DNER: variants seen among roughly 807,000 people sequenced by gnomAD.
DNER encodes the protein delta/notch like EGF repeat containing, also known as delta and Notch-like epidermal growth factor-related receptor.
In DNER, 33 loss-of-function variants were observed where a neutral mutation model predicts 78.2. The ratio of observed to expected loss-of-function variants is 0.42; its 90% CI spans 0.32 to 0.56. The LOEUF is 0.56. Among genes scored for constraint, DNER ranks in the 20% least tolerant of loss-of-function variants. The probability of loss-of-function intolerance (pLI) is 0.11; values close to 1 mark genes in which losing one functional copy is unlikely to be tolerated. For synonymous variants in DNER, 417 were observed against 384.8 expected (o/e 1.08, Z -0.98); for missense variants, 918 against 975.3 (o/e 0.94, Z 0.78).
At chr2:229,437,555 G>C (rs1694148292) in intron 8 of DNER, among the ~76,000 whole-genome samples, 1 of 152,156 alleles carries the variant, frequency 6.6e-6, no homozygotes, top group Admixed American at 6.5e-5. Context: ...TGGTCTAATT[G>C]GGACTCAGGA....
chr2:229,682,852 A>T (rs1299827011), intron 1 of DNER, among the ~76,000 whole-genome samples: 1 of 152,126 alleles, frequency 6.6e-6, no homozygotes, highest in Non-Finnish European at 1.5e-5. Context: ...TGTCTCAAAG[A>T]GAAAAAAAAG....
At chr2:229,386,333 A>T (rs1473081335) in intron 11 of DNER, among the ~76,000 whole-genome samples, 1 of 152,222 alleles carries the variant, frequency 6.6e-6, no homozygotes, top group Non-Finnish European at 1.5e-5. Context: ...AGATGGATAA[A>T]AGACTTACAC....
At chr2:229,422,498 T>G (rs1210905733) in intron 8 of DNER, among the ~76,000 whole-genome samples, 1 of 151,384 alleles carries the variant, frequency 6.6e-6, no homozygotes, top group African/African-American at 2.4e-5. Context: ...ATGGGGGGAG[T>G]GAGAAAGAGC....
At chr2:229,701,457 C>CTTTA (rs1235103980) in intron 1 of DNER, among the ~76,000 whole-genome samples, 1 of 152,176 alleles carries the variant, frequency 6.6e-6, no homozygotes, top group African/African-American at 2.4e-5. Flanking sequence ...ACAAAAAATG[C>CTTTA]TCATTGTTTA....
intron 1 of DNER, among the ~76,000 whole-genome samples, chr2:229,607,788 C>T (rs530545625): frequency 9.9e-5 from 15 of 151,944 alleles, no homozygotes; most frequent in African/African-American, 3.1e-4. Flanking sequence ...TTTGGGGGGC[C>T]GAGGTGGTCG....
In DNER at chr2:229,365,545, T is replaced by G. The variant is rs374868438; in HGVS notation, c.2102+1328A>C. 4.1e-4 allele frequency among the ~76,000 whole-genome samples: 62 copies of G among 152,318 alleles called. 1 individual carries two copies. Among genetic ancestry groups the G allele is most frequent in the African/African-American group, 1.3e-3 (55 of 41,576 alleles). On this transcript the variant is annotated intron_variant, in intron 12 of 12. Transcript: ENST00000341772. ...TCCGATTCCCAGGTTCAAGCGATTC[T>G]CCTTCCTCACCCTCCAGAGTAGCTA...
chr2:229,535,917 T>C (rs1387516930), intron 5 of DNER, among the ~76,000 whole-genome samples: 1 of 152,096 alleles, frequency 6.6e-6, no homozygotes. Flanking sequence ...GTGCTGGGAT[T>C]ACAGGCGTGA....
At chr2:229,629,593 G>C (rs1014461778) in intron 1 of DNER, among the ~76,000 whole-genome samples, 1 of 152,206 alleles carries the variant, frequency 6.6e-6, no homozygotes, top group Non-Finnish European at 1.5e-5. Context: ...CAGACAGGCA[G>C]TCAGCTGTGG....
intron 1 of DNER, among the ~76,000 whole-genome samples, chr2:229,644,959 A>G (rs559559076): frequency 6.6e-6 from 1 of 152,104 alleles, no homozygotes; most frequent in Admixed American, 6.6e-5. Flanking sequence ...GACCCTTAGG[A>G]TGGCACTAGT....
intron 6 of DNER, among the ~76,000 whole-genome samples, chr2:229,512,556 G>A (rs550059066): frequency 6.6e-6 from 1 of 152,120 alleles, no homozygotes; most frequent in East Asian, 1.9e-4. Flanking sequence ...TGAACTTTGG[G>A]GACTCAGGGG....
At chr2:229,370,298 G>A (rs955280577) in intron 11 of DNER, among the ~76,000 whole-genome samples, 1 of 152,186 alleles carries the variant, frequency 6.6e-6, no homozygotes, top group African/African-American at 2.4e-5. Context: ...GAGAACAGAT[G>A]AATAATGTGA....
chr2:229,431,722 A>G (rs1421682065), intron 8 of DNER, among the ~76,000 whole-genome samples: 2 of 151,972 alleles, frequency 1.3e-5, no homozygotes, highest in Non-Finnish European at 2.9e-5. Context: ...TCAGCATGGC[A>G]CATGTATACA....
chr2:229,694,986 A>T (rs1699639534), intron 1 of DNER, among the ~76,000 whole-genome samples: 1 of 152,098 alleles, frequency 6.6e-6, no homozygotes, highest in Non-Finnish European at 1.5e-5. Context: ...TAATCCCCAT[A>T]TGTTACGGGA....
intron 1 of DNER, among the ~76,000 whole-genome samples, chr2:229,613,690 A>T (rs1698094274): frequency 6.6e-6 from 1 of 152,126 alleles, no homozygotes; most frequent in Admixed American, 6.5e-5. Context: ...CTTTACTTTA[A>T]AGGAAAGACG....
chr2:229,438,034 G>A (rs892923047), intron 8 of DNER, among the ~76,000 whole-genome samples: 2 of 152,216 alleles, frequency 1.3e-5, no homozygotes, highest in African/African-American at 4.8e-5. Flanking sequence ...TTAATTAGGT[G>A]CATCCGGCAG....
intron 7 of DNER, among the ~76,000 whole-genome samples, chr2:229,474,567 T>C (rs543290970): frequency 3.3e-5 from 5 of 152,272 alleles, no homozygotes; most frequent in African/African-American, 1.2e-4. Flanking sequence ...TAGATCAGCA[T>C]CCAGGATTTA....
At chr2:229,673,455 G>A (rs559457172) in intron 1 of DNER, among the ~76,000 whole-genome samples, 3 of 152,338 alleles carry the variant, frequency 2.0e-5, no homozygotes, top group Admixed American at 1.3e-4. Context: ...GGAGGTTTCT[G>A]TCATATGGCA....
At chr2:229,711,313 A>G (rs1699908803) in intron 1 of DNER, among the ~76,000 whole-genome samples, 2 of 152,338 alleles carry the variant, frequency 1.3e-5, no homozygotes, top group Middle Eastern at 3.4e-3. Flanking sequence ...TCAGACATCA[A>G]GGAATGGAAT....
At chr2:229,381,905 C>G (rs1442348120) in intron 11 of DNER, among the ~76,000 whole-genome samples, 1 of 152,172 alleles carries the variant, frequency 6.6e-6, no homozygotes, top group Non-Finnish European at 1.5e-5. Context: ...CAGTGGATCT[C>G]CCAGCACAGC....
Sources: allele counts gnomAD v4.1 joint callset (sites outside exome capture counted in the v4.1 genomes callset), GRCh38; gene constraint gnomAD v4.1.1; transcripts MANE v1.5; gene names NCBI Gene and HGNC (gene_info 2026-07-23, HGNC 2026-07-21).